Variants in TMEM272 observed in about 807,000 individuals in gnomAD.
TMEM272 encodes the protein long intergenic non-protein coding RNA 282.
Under a neutral mutation model 3.7 loss-of-function variants are expected in TMEM272, and 8 were observed. The ratio of observed to expected loss-of-function variants is 2.17; its 90% confidence interval spans 1.27 to 3.91. The LOEUF (loss-of-function observed/expected upper bound fraction) is 3.91, where lower values mean the gene tolerates loss of function less well. TMEM272 is among the 30% of genes most tolerant of loss of function. The pLI is 0.00. For missense variants in TMEM272, 166 were observed against 91.5 expected (o/e 1.81, Z -3.32); for synonymous variants, 63 against 39.8 (o/e 1.58, Z -2.20).
the TMEM272 span, among the ~76,000 whole-genome samples, chr13:51,864,858 C>G: frequency 6.6e-6 from 1 of 152,142 alleles, no homozygotes; most frequent in African/African-American, 2.4e-5. Flanking sequence ...CCAAAATAAA[C>G]TCCTCTCCTA....
At chr13:51,921,395 C>G in the TMEM272 span, 4 of 152,240 alleles carry the variant, frequency 2.6e-5, no homozygotes, top group East Asian at 5.8e-4. Flanking sequence ...TCACAGAAAT[C>G]CAGGAGACTT....
chr13:51,911,319 C>G, the TMEM272 span, among the ~76,000 whole-genome samples: 1 of 152,228 alleles, frequency 6.6e-6, no homozygotes, highest in Non-Finnish European at 1.5e-5. Flanking sequence ...CTCACCTCTG[C>G]CTAGCATGAT....
the TMEM272 span, chr13:51,865,464 T>A: frequency 1.9e-6 from 3 of 1,614,202 alleles, no homozygotes; most frequent in Non-Finnish European, 2.5e-6. Flanking sequence ...TTCCGGTCCC[T>A]GGCGGCATCC....
intron 2 of TMEM272, among the ~76,000 whole-genome samples, chr13:51,828,876 T>C (rs1956149295): frequency 6.6e-6 from 1 of 152,148 alleles, no homozygotes; most frequent in Non-Finnish European, 1.5e-5. Flanking sequence ...CCTGAAAAGA[T>C]TTACTTCCAT....
the TMEM272 span, among the ~76,000 whole-genome samples, chr13:51,850,493 G>A: frequency 3.9e-5 from 6 of 152,262 alleles, 1 homozygote; most frequent in Non-Finnish European, 5.9e-5. Flanking sequence ...TGGGCACACA[G>A]TAAGCCCTGA....
At chr13:51,838,008 G>C (rs772576355) in intron 2 of TMEM272, among the ~76,000 whole-genome samples, 10 of 152,170 alleles carry the variant, frequency 6.6e-5, no homozygotes, top group Non-Finnish European at 1.3e-4. Flanking sequence ...CCAAACACAA[G>C]ACAGACTGGG....
At chr13:51,887,932 A>G in the TMEM272 span, among the ~76,000 whole-genome samples, 1 of 152,234 alleles carries the variant, frequency 6.6e-6, no homozygotes, top group African/African-American at 2.4e-5. Flanking sequence ...TCTGGGACAG[A>G]CATGAGTTTA....
Position 51,817,000 on chromosome 13 carries a change from G to T in TMEM272, c.315C>A (p.Tyr105Ter). The T allele has an allele frequency of 1.4e-6, 1 of 703,034 alleles. No individual in the cohort carries two copies. The highest frequency in any genetic ancestry group is 2.6e-6 in the Non-Finnish European group (1 of 384,998). 43.5% of individuals were successfully genotyped at this position (703,034 alleles called of 1,614,324 possible). A position where few individuals can be genotyped will look rare whatever the true frequency, so the allele number is the denominator to read the frequency against. ...EYPWRQNAHR[Y>*]YIHLLLSLFL... is the part of the protein sequence containing the mutation. Reference sequence around the variant, plus strand: ...AGAGGCTCAGCAGGAGGTGGATGTAGTATCTGTGCGCATTCTGCCTCCAGG... The same window carrying T: ...AGAGGCTCAGCAGGAGGTGGATGTATTATCTGTGCGCATTCTGCCTCCAGG... The change falls in exon 5 of 5, where the codon TAC becomes TAA. Residue 105 changes from tyrosine (Y) to a stop codon, truncating the protein, a stop_gained. Transcript: ENST00000629372. LOFTEE classifies it low-confidence loss of function (END_TRUNC).
In TMEM272 at chr13:51,816,893, G is replaced by A; in HGVS notation, c.422C>T (p.Pro141Leu). The part of the protein sequence containing the change: ...LPDFLPPFQQ[P>L]QDYCDKTLYL... ...CAGGGTTTTGTCACAGTAGTCCTGA[G>A]GCTGCTGGAAAGGGGGAAGAAAATC... The change falls in exon 5 of 5, where the codon CCT (proline) becomes CTT (leucine). Residue 141 changes from proline to leucine, a missense_variant. Pro to Leu is a moderately conservative substitution (Grantham distance 98, BLOSUM62 -3). Transcript: ENST00000629372. 2 of 703,032 alleles carry A rather than the reference G, an allele frequency of 2.8e-6. No homozygotes were observed. Among genetic ancestry groups the A allele is most frequent in the Non-Finnish European group, 5.2e-6 (2 of 385,000 alleles). 43.5% of individuals were successfully genotyped at this position (703,032 alleles called of 1,614,324 possible). A position where few individuals can be genotyped will look rare whatever the true frequency, so the allele number is the denominator to read the frequency against.
At chr13:51,875,619 C>T in the TMEM272 span, among the ~76,000 whole-genome samples, 2 of 152,152 alleles carry the variant, frequency 1.3e-5, no homozygotes, top group East Asian at 1.9e-4. Flanking sequence ...GTCAACCAGA[C>T]TCTGACTTGG....
the TMEM272 span, among the ~76,000 whole-genome samples, chr13:51,867,080 G>A: frequency 3.4e-4 from 52 of 152,202 alleles, no homozygotes; most frequent in Admixed American, 6.5e-5. Context: ...AGTAAGAAAC[G>A]CCACGACAAA....
At chr13:51,894,425 A>C in the TMEM272 span, among the ~76,000 whole-genome samples, 1 of 152,158 alleles carries the variant, frequency 6.6e-6, no homozygotes, top group Non-Finnish European at 1.5e-5. Flanking sequence ...CTACATGTGG[A>C]AGTTCAGTAA....
At chr13:51,849,642 G>C (rs1293560508), upstream of TMEM272, among the ~76,000 whole-genome samples, 1 of 152,182 alleles carries the variant, frequency 6.6e-6, no homozygotes, top group Non-Finnish European at 1.5e-5. Context: ...TTCAGCGGTC[G>C]CAGAGGCCCT....
At chr13:51,822,609 G>C (rs1956089523) in intron 3 of TMEM272, among the ~76,000 whole-genome samples, 1 of 151,922 alleles carries the variant, frequency 6.6e-6, no homozygotes, top group Non-Finnish European at 1.5e-5. Flanking sequence ...GGGGCCAGGT[G>C]GCAGGGAGGA....
the TMEM272 span, chr13:51,910,341 T>G: frequency 7.9e-7 from 1 of 1,258,644 alleles, no homozygotes; most frequent in Admixed American, 1.7e-5. Flanking sequence ...GCTAAATTTT[T>G]CAAGTAGTCT....
At chr13:51,884,444 A>T in the TMEM272 span, among the ~76,000 whole-genome samples, 1 of 150,944 alleles carries the variant, frequency 6.6e-6, no homozygotes, top group African/African-American at 2.5e-5. Context: ...GTTTGATAAC[A>T]ACATGAACAA....
At chr13:51,915,940 G>A in the TMEM272 span, among the ~76,000 whole-genome samples, 1 of 152,110 alleles carries the variant, frequency 6.6e-6, no homozygotes, top group African/African-American at 2.4e-5. Flanking sequence ...GGGCGTGGTG[G>A]TGTGCACATG....
chr13:51,827,556 C>T (rs1304743326), intron 2 of TMEM272, among the ~76,000 whole-genome samples: 1 of 152,062 alleles, frequency 6.6e-6, no homozygotes, highest in African/African-American at 2.4e-5. Flanking sequence ...CTTGGGTAGG[C>T]CTGCCCCCCA....
intron 4 of TMEM272, among the ~76,000 whole-genome samples, chr13:51,818,558 G>A (rs539293003): frequency 2.4e-4 from 36 of 152,260 alleles, no homozygotes; most frequent in Admixed American, 3.3e-4. Context: ...TGGGCAAAGC[G>A]CTTGACATAC....
Sources: gnomAD v4.1 joint callset for allele counts (sites outside exome capture counted in the v4.1 genomes callset) on GRCh38, gnomAD v4.1.1 for gene constraint, MANE v1.5 for transcripts, NCBI Gene and HGNC (gene_info 2026-07-23, HGNC 2026-07-21) for gene names.